The following TBC1D30 variants were observed in gnomAD, a reference collection of about 807,000 sequenced individuals.
TBC1D30 encodes TBC1 domain family, member 30.
In TBC1D30, 31 loss-of-function variants were observed where a neutral mutation model predicts 63.2. The ratio of observed to expected loss-of-function variants is 0.49; its 90% CI spans 0.37 to 0.66. TBC1D30 has a LOEUF of 0.66. TBC1D30 is among the 30% of genes least tolerant of loss of function. TBC1D30 has a pLI of 0.00. For synonymous variants in TBC1D30, 307 were observed against 361.5 expected, an observed-to-expected ratio of 0.85 and a Z score of 1.71; for missense variants, 810 against 953.6, an observed-to-expected ratio of 0.85 and a Z score of 1.98.
intron 7 of TBC1D30, among the ~76,000 whole-genome samples, chr12:64,841,233 G>C (rs780195478): frequency 1.2e-4 from 19 of 152,134 alleles, no homozygotes; most frequent in Admixed American, 5.9e-4. Flanking sequence ...GGTGATCCAG[G>C]ACCTCTCCTT....
Position 64,838,846 on chromosome 12 carries a change from A to G in TBC1D30, c.927A>G (p.Leu309=), listed in dbSNP as rs766546890. The G allele has an allele frequency of 1.8e-5, 27 of 1,535,932 alleles. No individual in the cohort carries two copies. The African/African-American group carries it at 2.3e-4, about 13-fold the overall frequency. ...LRVSLAIWAK[L]GEQIECCETA... is the part of the protein sequence containing the mutation. Reference sequence around the variant, plus strand: ...TGTCGCTGGCTATCTGGGCAAAATTAGGAGAGTAAGTGATTTCCACCTTCT... The same window carrying G: ...TGTCGCTGGCTATCTGGGCAAAATTGGGAGAGTAAGTGATTTCCACCTTCT... Residue 309 remains leucine, a synonymous_variant, in exon 7 of 12, where the codon TTA becomes TTG. Coordinates refer to ENST00000539867, the MANE Select transcript of TBC1D30 (RefSeq NM_015279.2).
chr12:64,766,334 G>A (rs573714622), intron 1 of TBC1D30, among the ~76,000 whole-genome samples: 2 of 151,720 alleles, frequency 1.3e-5, no homozygotes, highest in South Asian at 4.1e-4. Flanking sequence ...AAGAAATTCA[G>A]TGAACCCCAT....
chr12:64,789,817 G>C (rs541597274), intron 2 of TBC1D30, among the ~76,000 whole-genome samples: 1 of 152,090 alleles, frequency 6.6e-6, no homozygotes, highest in African/African-American at 2.4e-5. Flanking sequence ...GGATAACCAT[G>C]GTATAACCAA....
At chr12:64,814,636 C>T (rs184617832) in intron 2 of TBC1D30, among the ~76,000 whole-genome samples, 13 of 152,292 alleles carry the variant, frequency 8.5e-5, no homozygotes, top group Admixed American at 8.5e-4. Context: ...TACTGATGCA[C>T]TGCCAAGTGA....
chr12:64,760,957 A>C (rs1592516476), intron 1 of TBC1D30, among the ~76,000 whole-genome samples: 1 of 152,156 alleles, frequency 6.6e-6, no homozygotes, highest in East Asian at 1.9e-4. Context: ...CATCAGGCTT[A>C]TGAACCACAA....
At chr12:64,759,513 A>C (rs1870412218) in exon 1 of TBC1D30, 2 of 506,162 alleles carry the variant, frequency 4.0e-6, no homozygotes, top group Non-Finnish European at 6.9e-6. Context: ...CGCAGCCTGG[A>C]GGGAGGCATC....
intron 2 of TBC1D30, among the ~76,000 whole-genome samples, chr12:64,817,655 G>C (rs1487837611): frequency 6.6e-6 from 1 of 152,108 alleles, no homozygotes; most frequent in Non-Finnish European, 1.5e-5. Flanking sequence ...CCAAAATCAA[G>C]CATATTACAT....
chr12:64,771,997 G>A (rs1299843859), intron 1 of TBC1D30, among the ~76,000 whole-genome samples: 1 of 152,114 alleles, frequency 6.6e-6, no homozygotes, highest in Non-Finnish European at 1.5e-5. Context: ...GCTCATGCCT[G>A]TAATCCCAGC....
intron 1 of TBC1D30, among the ~76,000 whole-genome samples, chr12:64,826,859 G>A (rs945170787): frequency 1.3e-5 from 2 of 152,054 alleles, no homozygotes; most frequent in African/African-American, 4.8e-5. Context: ...ATACTGATAT[G>A]GGCTTGCAAA....
chr12:64,777,495 A>T (rs539035790), upstream of TBC1D30, among the ~76,000 whole-genome samples: 1 of 152,308 alleles, frequency 6.6e-6, no homozygotes, highest in African/African-American at 2.4e-5. Context: ...TCAGGAATGA[A>T]CTCCCATTCA....
chr12:64,781,376 T>A, intron 1 of TBC1D30: 7 of 1,012,356 alleles, frequency 6.9e-6, no homozygotes, highest in Non-Finnish European at 8.3e-6. Flanking sequence ...GCACCTGGGC[T>A]GCTCGGCGGA....
intron 2 of TBC1D30, among the ~76,000 whole-genome samples, chr12:64,791,803 C>CA (rs1286328720): frequency 3.9e-5 from 6 of 151,984 alleles, no homozygotes; most frequent in Admixed American, 6.6e-5. Context: ...AGGCTGGTCT[C>CA]AAACTCCTGA....
At chr12:64,766,966 C>G (rs937911177) in intron 1 of TBC1D30, among the ~76,000 whole-genome samples, 3 of 151,732 alleles carry the variant, frequency 2.0e-5, no homozygotes, top group Non-Finnish European at 4.4e-5. Context: ...AAACAGAAAT[C>G]AAAAGGGAAA....
chr12:64,869,219 G>A (rs1023881056), intron 10 of TBC1D30, among the ~76,000 whole-genome samples: 1 of 152,128 alleles, frequency 6.6e-6, no homozygotes, highest in Admixed American at 6.5e-5. Context: ...TTTGCCATCT[G>A]CTAACTTTTT....
At chr12:64,817,119 G>A (rs1873589906) in intron 2 of TBC1D30, among the ~76,000 whole-genome samples, 2 of 152,156 alleles carry the variant, frequency 1.3e-5, no homozygotes, top group African/African-American at 4.8e-5. Flanking sequence ...GGGCACTAGA[G>A]GAGTATGCGG....
chr12:64,760,781 AT>A (rs1336273808), intron 1 of TBC1D30, among the ~76,000 whole-genome samples: 1 of 151,968 alleles, frequency 6.6e-6, no homozygotes, highest in Non-Finnish European at 1.5e-5. Context: ...GGTAAAAATA[AT>A]GATGGAAACA....
intron 9 of TBC1D30, among the ~76,000 whole-genome samples, chr12:64,865,607 G>A (rs1305919650): frequency 1.3e-5 from 2 of 152,096 alleles, no homozygotes; most frequent in African/African-American, 4.8e-5. Context: ...CGTAATCCTA[G>A]CACTTTGGGA....
At position 64,769,368 on chromosome 12, in the gene TBC1D30, G is replaced by A. The variant is rs541544087; in HGVS notation, c.-376+9719G>A. Among the ~76,000 whole-genome samples the A allele has an allele frequency of 2.6e-3, 402 of 151,748 alleles. 2 individuals are homozygous for A. Among genetic ancestry groups the A allele is most frequent in the African/African-American group, 9.3e-3 (385 of 41,386 alleles). ...TTACAGGCGTGCACCACCACGCTCG[G>A]CTAATTTTTGTAATTTTTTTTTTTT... On this transcript the variant is annotated intron_variant, in intron 1 of 13. Coordinates refer to the TBC1D30 transcript ENST00000674237.
chr12:64,803,646 T>C (rs1451673517), intron 2 of TBC1D30, among the ~76,000 whole-genome samples: 3 of 152,224 alleles, frequency 2.0e-5, no homozygotes, highest in African/African-American at 7.2e-5. Flanking sequence ...AACATTTAAG[T>C]CTTTAATCCA....
Sources: allele counts gnomAD v4.1 joint callset (sites outside exome capture counted in the v4.1 genomes callset), GRCh38; gene constraint gnomAD v4.1.1; transcripts MANE v1.5; gene names NCBI Gene and HGNC (gene_info 2026-07-23, HGNC 2026-07-21).